The following ZBTB20 variants were observed in gnomAD, a reference collection of about 807,000 sequenced individuals.
ZBTB20 encodes zinc finger and BTB domain-containing protein 20.
In ZBTB20, 9 loss-of-function variants were observed where a neutral mutation model predicts 56.9. The observed-to-expected ratio is 0.16, with a 90% CI of 0.10 to 0.28. The LOEUF (loss-of-function observed/expected upper bound fraction) is 0.28. ZBTB20 is among the 10% of genes least tolerant of loss of function. The pLI is 1.00. For missense variants in ZBTB20, 655 were observed against 1,003.0 expected (o/e 0.65, Z 4.69); for synonymous variants, 417 against 420.7 (o/e 0.99, Z 0.11).
intron 1 of ZBTB20, among the ~76,000 whole-genome samples, chr3:115,086,576 T>C (rs766351901): frequency 9.9e-5 from 15 of 151,796 alleles, no homozygotes; most frequent in Admixed American, 4.6e-4. Flanking sequence ...CAGGACACAG[T>C]TGTAAATCAA....
chr3:114,444,225 C>T (rs2091117523), intron 7 of ZBTB20, among the ~76,000 whole-genome samples: 1 of 152,136 alleles, frequency 6.6e-6, no homozygotes, highest in African/African-American at 2.4e-5. Flanking sequence ...AAAAGATCTT[C>T]TGACTACAAT....
At chr3:114,460,255 AAC>A (rs1450603454) in intron 7 of ZBTB20, among the ~76,000 whole-genome samples, 1 of 152,146 alleles carries the variant, frequency 6.6e-6, no homozygotes, top group Non-Finnish European at 1.5e-5. Context: ...TAGTCTGATA[AAC>A]ACACTACAAA....
chr3:115,102,666 T>C (rs1216642556), intron 1 of ZBTB20: 1 of 151,986 alleles, frequency 6.6e-6, no homozygotes, highest in Non-Finnish European at 1.5e-5. Flanking sequence ...AAAACAAATC[T>C]TTTGGCTTAA....
At chr3:115,110,947 G>A (rs954375040) in intron 1 of ZBTB20, among the ~76,000 whole-genome samples, 2 of 151,412 alleles carry the variant, frequency 1.3e-5, no homozygotes, top group African/African-American at 4.9e-5. Context: ...CCGAGCTTGC[G>A]CCACTACACT....
At chr3:114,463,007 T>C in intron 7 of ZBTB20, among the ~76,000 whole-genome samples, 1 of 152,210 alleles carries the variant, frequency 6.6e-6, no homozygotes. Flanking sequence ...AGATTCTGTT[T>C]GGGTTGCTGT....
In ZBTB20 at chr3:114,633,213, T is replaced by A. The variant is rs76785614; in HGVS notation, c.-295+60315A>T. On this transcript the variant is annotated intron_variant, in intron 6 of 11. Transcript: ENST00000675478. ...CAAGGTGGCATGTTCAGAATGATGTTCTCACCTAGCAAAAGGGCAGGTTTC... is the reference window on the plus strand; with the variant it reads ...CAAGGTGGCATGTTCAGAATGATGTACTCACCTAGCAAAAGGGCAGGTTTC... 6.6e-3 allele frequency among the ~76,000 whole-genome samples: 1,003 copies of A among 152,284 alleles called. 37 individuals carry two copies. In the East Asian group the frequency reaches 0.11, roughly 16 times the overall value.
At chr3:114,572,960 G>C (rs939669275) in intron 6 of ZBTB20, among the ~76,000 whole-genome samples, 2 of 152,050 alleles carry the variant, frequency 1.3e-5, no homozygotes, top group African/African-American at 2.4e-5. Context: ...GACATACTGT[G>C]TCCTTTATTT....
At chr3:114,967,353 A>T (rs2077687824) in intron 3 of ZBTB20, among the ~76,000 whole-genome samples, 1 of 152,192 alleles carries the variant, frequency 6.6e-6, no homozygotes, top group African/African-American at 2.4e-5. Context: ...TCCATTTCAA[A>T]TACTGATGAT....
chr3:114,468,253 T>C (rs1206628751), intron 7 of ZBTB20, among the ~76,000 whole-genome samples: 3 of 152,116 alleles, frequency 2.0e-5, no homozygotes, highest in Admixed American at 6.6e-5. Flanking sequence ...TTGTATTCTC[T>C]AAAGAATAAA....
chr3:114,883,916 C>CCGTTTT (rs1223732179), intron 4 of ZBTB20, among the ~76,000 whole-genome samples: 1 of 89,774 alleles, frequency 1.1e-5, no homozygotes, highest in Non-Finnish European at 2.1e-5. Context: ...ATGGTGTGTT[C>CCGTTTT]TTTTTTTTTT....
At chr3:114,503,612 C>A (rs1307373956) in intron 6 of ZBTB20, among the ~76,000 whole-genome samples, 1 of 151,992 alleles carries the variant, frequency 6.6e-6, no homozygotes, top group Admixed American at 6.6e-5. Flanking sequence ...GGATTAAAAA[C>A]ATTTGCATTA....
rs1246495777 is a variant in ZBTB20 at position 114,332,488 on chromosome 3, A to G, written c.*6517T>C. 6.6e-6 allele frequency: 1 copy of G among 152,172 alleles called. No homozygotes were observed. The highest frequency in any genetic ancestry group is 1.5e-5 in the Non-Finnish European group (1 of 68,032). The allele number at this position is 152,172 out of a possible 1,614,324, so 9.4% of individuals were successfully genotyped here. On this transcript the variant is annotated 3_prime_UTR_variant, in exon 12 of 12. Coordinates refer to ENST00000675478, the MANE Select transcript of ZBTB20 (RefSeq NM_001348800.3). ...GATGTCTATTTTACATTCAGCCCCA[A>G]CCTACGTCACTGAAATAGAATAGGA...
chr3:114,373,075 C>A (rs1302947417), intron 10 of ZBTB20, among the ~76,000 whole-genome samples: 1 of 151,956 alleles, frequency 6.6e-6, no homozygotes, highest in African/African-American at 2.4e-5. Flanking sequence ...TGCCACCATG[C>A]CCAGCTAATT....
intron 1 of ZBTB20, among the ~76,000 whole-genome samples, chr3:115,108,198 T>C (rs764592086): frequency 1.3e-5 from 2 of 152,174 alleles, no homozygotes. Flanking sequence ...AAACATCATT[T>C]CTGAAAAGAA....
chr3:115,098,832 G>A (rs1341516778), intron 1 of ZBTB20, among the ~76,000 whole-genome samples: 1 of 152,036 alleles, frequency 6.6e-6, no homozygotes, highest in Admixed American at 6.6e-5. Context: ...AAGCCTAATG[G>A]AATTAAGGGG....
intron 5 of ZBTB20, among the ~76,000 whole-genome samples, chr3:114,694,003 TTC>T (rs2062847293): frequency 6.6e-6 from 1 of 152,136 alleles, no homozygotes; most frequent in Non-Finnish European, 1.5e-5. Flanking sequence ...ACAAGCTGGT[TTC>T]TCTTTGTTTT....
intron 7 of ZBTB20, among the ~76,000 whole-genome samples, chr3:114,399,384 C>T (rs1372201847): frequency 6.6e-6 from 1 of 151,946 alleles, no homozygotes; most frequent in Non-Finnish European, 1.5e-5. Flanking sequence ...ATAGGTATAG[C>T]TTGTATTATT....
chr3:114,826,763 GAT>G (rs2073549503), intron 4 of ZBTB20, among the ~76,000 whole-genome samples: 2 of 151,572 alleles, frequency 1.3e-5, no homozygotes, highest in Admixed American at 6.6e-5. Flanking sequence ...TGAAAGCAGA[GAT>G]AGAAAAAAGA....
Position 114,331,615 on chromosome 3 carries a change from C to CT in ZBTB20, c.*7389dup, listed in dbSNP as rs2079259814. 6.6e-6 allele frequency: 1 copy of CT among 152,206 alleles called. No individual in the cohort carries two copies. The highest frequency in any genetic ancestry group is 6.5e-5 in the Admixed American group (1 of 15,280). 9.4% of individuals were successfully genotyped at this position (152,206 alleles called of 1,614,324 possible). A position where few individuals can be genotyped will look rare whatever the true frequency, so the allele number is the denominator to read the frequency against. ...ACACATGTCAATAAATCCAATAGAA[C>CT]TGTAGAGTTTGTTAAATGCACTCTA... On this transcript the variant is annotated 3_prime_UTR_variant, in exon 12 of 12. Transcript: ENST00000675478.
Sources: gnomAD v4.1 joint callset for allele counts (sites outside exome capture counted in the v4.1 genomes callset) on GRCh38, gnomAD v4.1.1 for gene constraint, MANE v1.5 for transcripts, NCBI Gene and HGNC (gene_info 2026-07-23, HGNC 2026-07-21) for gene names.